The following ASB4 variants were observed in gnomAD, a reference collection of about 807,000 sequenced individuals.
ASB4 encodes the protein ankyrin repeat and SOCS box protein 4.
ASB4 carries 35 observed loss-of-function variants against 38.6 expected under a neutral mutation model. The observed-to-expected ratio is 0.91, with a 90% CI of 0.69 to 1.20. The LOEUF (loss-of-function observed/expected upper bound fraction) is 1.20. ASB4 is among the 50% of genes most tolerant of loss of function. ASB4 has a pLI of 0.00. For synonymous variants in ASB4, 195 were observed against 201.3 expected, an observed-to-expected ratio of 0.97 and a Z score of 0.26; for missense variants, 557 against 527.2, an observed-to-expected ratio of 1.06 and a Z score of -0.55.
chr7:95,501,698 C>G (rs1270390027), intron 2 of ASB4, among the ~76,000 whole-genome samples: 1 of 152,182 alleles, frequency 6.6e-6, no homozygotes, highest in East Asian at 1.9e-4. Flanking sequence ...GAGTGGCCAA[C>G]CTTTCACTCC....
the ASB4 span, chr7:95,472,184 G>A: frequency 6.6e-6 from 1 of 151,838 alleles, no homozygotes; most frequent in Non-Finnish European, 1.5e-5. Context: ...CAGGCTGAAG[G>A]AATTGGGTTA....
At chr7:95,512,844 G>A (rs1339047863) in intron 2 of ASB4, among the ~76,000 whole-genome samples, 3 of 151,512 alleles carry the variant, frequency 2.0e-5, no homozygotes, top group Non-Finnish European at 2.9e-5. Flanking sequence ...CTATCAGTGC[G>A]TTAGGAAGAA....
chr7:95,507,354 CT>C (rs1363808308), intron 2 of ASB4, among the ~76,000 whole-genome samples: 1 of 151,792 alleles, frequency 6.6e-6, no homozygotes, highest in Non-Finnish European at 1.5e-5. Flanking sequence ...TACAGCATAT[CT>C]GCTATCTAGA....
intron 2 of ASB4, among the ~76,000 whole-genome samples, chr7:95,502,272 T>C (rs1464300204): frequency 6.6e-6 from 1 of 152,074 alleles, no homozygotes; most frequent in East Asian, 1.9e-4. Context: ...AAATGACAAT[T>C]AGCTATTTTG....
chr7:95,479,333 T>A (rs1208957136), intron 1 of ASB4, among the ~76,000 whole-genome samples: 2 of 151,940 alleles, frequency 1.3e-5, no homozygotes, highest in Non-Finnish European at 2.9e-5. Context: ...AATATGTAAC[T>A]CTCCTATAAT....
At chr7:95,474,560 C>T (rs1789957653), upstream of ASB4, among the ~76,000 whole-genome samples, 2 of 152,316 alleles carry the variant, frequency 1.3e-5, no homozygotes, top group South Asian at 4.1e-4. Flanking sequence ...CTCATTCTGT[C>T]ATCCAGGCTG....
chr7:95,494,801 T>A (rs1280765451), intron 1 of ASB4, among the ~76,000 whole-genome samples: 1 of 151,888 alleles, frequency 6.6e-6, no homozygotes, highest in Middle Eastern at 3.2e-3. Context: ...CGTATAGAAG[T>A]CAGAGATCAG....
At chr7:95,479,236 C>G (rs1035677778) in intron 1 of ASB4, among the ~76,000 whole-genome samples, 1 of 152,184 alleles carries the variant, frequency 6.6e-6, no homozygotes, top group Non-Finnish European at 1.5e-5. Flanking sequence ...GTGTCTCAGT[C>G]TGACGGTCTT....
upstream of ASB4, among the ~76,000 whole-genome samples, chr7:95,475,961 T>A (rs951388179): frequency 6.6e-6 from 1 of 152,234 alleles, no homozygotes; most frequent in African/African-American, 2.4e-5. Flanking sequence ...TTTCGGTCTC[T>A]ATATATCAAG....
upstream of ASB4, among the ~76,000 whole-genome samples, chr7:95,475,633 C>T (rs113706540): frequency 0.11 from 17,498 of 152,198 alleles, 1,232 homozygotes; most frequent in Non-Finnish European, 0.16. Context: ...ATCCACCCAC[C>T]TCAGCTTCCC....
In ASB4 at chr7:95,528,068, G is replaced by T. The variant is rs1053495811; in HGVS notation, c.743G>T (p.Arg248Leu). The T allele has an allele frequency of 4.3e-6, 7 of 1,614,148 alleles. No individual in the cohort carries two copies. Among genetic ancestry groups the T allele is most frequent in the East Asian group, 4.5e-5 (2 of 44,858 alleles). Reference sequence around the variant, plus strand: ...GACTACAAAGCCGAAGTCAATGCCCGAGATGACGACTTTAAATCTCCCCTC... The same window carrying T: ...GACTACAAAGCCGAAGTCAATGCCCTAGATGACGACTTTAAATCTCCCCTC... The part of the protein sequence containing the change: ...LLDYKAEVNA[R>L]DDDFKSPLHK... The change falls in exon 3 of 5, where the codon CGA becomes CTA. Residue 248 changes from arginine (R) to leucine (L), a missense_variant. By Grantham distance (102) the Arg-to-Leu change is moderately radical. Coordinates refer to ENST00000325885, the MANE Select transcript of ASB4 (RefSeq NM_016116.3).
chr7:95,540,319 C>G (rs1465940255), downstream of ASB4: 1 of 152,148 alleles, frequency 6.6e-6, no homozygotes, highest in Non-Finnish European at 1.5e-5. Context: ...CTACACATTT[C>G]ATTGCTTTTA....
At chr7:95,499,271 TAA>T (rs1790296443) in intron 2 of ASB4, among the ~76,000 whole-genome samples, 1 of 152,142 alleles carries the variant, frequency 6.6e-6, no homozygotes, top group South Asian at 2.1e-4. Context: ...ATCGCCTGGA[TAA>T]AGAGTATATA....
intron 4 of ASB4, among the ~76,000 whole-genome samples, chr7:95,536,813 C>G (rs900325194): frequency 6.6e-6 from 1 of 152,138 alleles, no homozygotes; most frequent in Non-Finnish European, 1.5e-5. Flanking sequence ...TTCCTTTCTT[C>G]TCATTAATTT....
intron 2 of ASB4, 83 bp downstream of exon 2, chr7:95,496,140 T>A: frequency 7.5e-7 from 1 of 1,325,296 alleles, no homozygotes; most frequent in South Asian, 1.3e-5. Context: ...CTACCCCAGA[T>A]GATGTAGTAA....
chr7:95,526,288 C>A (rs1790734824), intron 2 of ASB4, among the ~76,000 whole-genome samples: 1 of 152,164 alleles, frequency 6.6e-6, no homozygotes, highest in Admixed American at 6.5e-5. Flanking sequence ...AAATCACAAG[C>A]AATGACTTCT....
chr7:95,522,237 A>G (rs1277293023), intron 2 of ASB4, among the ~76,000 whole-genome samples: 1 of 152,166 alleles, frequency 6.6e-6, no homozygotes, highest in Admixed American at 6.5e-5. Flanking sequence ...GTATAAATCA[A>G]GGAGAGGCTG....
At chr7:95,509,330 T>C (rs1176397457) in intron 2 of ASB4, among the ~76,000 whole-genome samples, 3 of 152,142 alleles carry the variant, frequency 2.0e-5, no homozygotes, top group Non-Finnish European at 4.4e-5. Context: ...CCCAGCTATA[T>C]ACCACAGGCC....
upstream of ASB4, among the ~76,000 whole-genome samples, chr7:95,482,350 T>A (rs1401125558): frequency 1.3e-5 from 2 of 152,222 alleles, no homozygotes; most frequent in Non-Finnish European, 2.9e-5. Flanking sequence ...GCTAAAATTT[T>A]AAATTTGCAT....
Sources: gnomAD v4.1 joint callset for allele counts (sites outside exome capture counted in the v4.1 genomes callset) on GRCh38, gnomAD v4.1.1 for gene constraint, MANE v1.5 for transcripts, NCBI Gene and HGNC (gene_info 2026-07-23, HGNC 2026-07-21) for gene names.